PRRG2: variants seen among roughly 807,000 people sequenced by gnomAD.
PRRG2 encodes transmembrane gamma-carboxyglutamic acid protein 2.
A neutral mutation model predicts 27.1 loss-of-function variants in PRRG2; 23 were observed. The ratio of observed to expected loss-of-function variants is 0.85; its 90% CI spans 0.61 to 1.20. The LOEUF is 1.20. PRRG2 is among the 50% of genes most tolerant of loss of function. The pLI, the probability that PRRG2 is intolerant of heterozygous loss-of-function variation, is 0.00. For synonymous variants in PRRG2, 104 were observed against 103.4 expected (o/e 1.01, Z -0.03); for missense variants, 276 against 254.8 (o/e 1.08, Z -0.57).
chr19:49,585,284 C>A (rs938364541), intron 4 of PRRG2, among the ~76,000 whole-genome samples: 19 of 152,210 alleles, frequency 1.2e-4, no homozygotes, highest in Non-Finnish European at 2.4e-4. Context: ...TGCCCCACCC[C>A]CTTGTGGCCC....
At chr19:49,590,218 C>T (rs2080708126) in intron 6 of PRRG2, 153 bp from the exon 7 acceptor site, 5 of 1,426,562 alleles carry the variant, frequency 3.5e-6, no homozygotes, top group Non-Finnish European at 4.9e-6. Flanking sequence ...CGTGGCCCAG[C>T]GTTGTATGTG....
At position 49,588,419 on chromosome 19, in the gene PRRG2, C is replaced by T; in HGVS notation, c.302-78C>T. The stretch of plus-strand genomic sequence containing the variant: ...CCTGCTTCCGGGTCCATTCTCTTCC[C>T]TCAGTGGGAAGGAATTTTGATGTTG... On this transcript the variant is annotated intron_variant, in intron 4 of 6. Transcript: ENST00000246794. The T allele has an allele frequency of 3.9e-6, 6 of 1,527,522 alleles. No individual in the cohort carries two copies. In the South Asian group the frequency reaches 7.3e-5, roughly 19 times the overall value. 94.6% of individuals were successfully genotyped at this position (1,527,522 alleles called of 1,614,324 possible).
chr19:49,583,684 G>A lies in PRRG2; in HGVS notation c.228G>A (p.Glu76=). The A allele has an allele frequency of 6.2e-7, 1 of 1,614,132 alleles. No individual in the cohort carries two copies. Among genetic ancestry groups the A allele is most frequent in the Non-Finnish European group, 8.5e-7 (1 of 1,180,000 alleles). The change falls in exon 3 of 7, where the codon GAG becomes GAA. Residue 76 remains glutamate, a synonymous_variant. Coordinates refer to ENST00000246794, the MANE Select transcript of PRRG2 (RefSeq NM_000951.3). ...ECLEERCSWE[E]AREYFEDNTL... ...TGGAAGAGAGGTGTTCCTGGGAAGA[G>A]GCCAGGGAGTATTTTGAGGACAACA...
At position 49,583,654 on chromosome 19, in the gene PRRG2, G is replaced by A; in HGVS notation, c.198G>A (p.Glu66=). 1 of 1,614,236 alleles carries A rather than the reference G, an allele frequency of 6.2e-7. No individual in the cohort carries two copies. Among genetic ancestry groups the A allele is most frequent in the Non-Finnish European group, 8.5e-7 (1 of 1,180,046 alleles). The change falls in exon 3 of 7, where the codon GAG becomes GAA. Residue 66 remains glutamate, a synonymous_variant. Transcript: ENST00000246794. ...TCACACCAGGGAACCTGGAACGGGA[G>A]TGTCTGGAAGAGAGGTGTTCCTGGG... ...ELLTPGNLER[E]CLEERCSWEE... is the part of the protein sequence containing the mutation.
chr19:49,584,139 C>T (rs553724945), intron 4 of PRRG2, among the ~76,000 whole-genome samples, 187 bp downstream of exon 4: 1 of 151,956 alleles, frequency 6.6e-6, no homozygotes, highest in African/African-American at 2.4e-5. Context: ...AGGAGCCCCC[C>T]ACACCTTATT....
Position 49,583,388 on chromosome 19 carries a change from A to C in PRRG2, c.85+84A>C, listed in dbSNP as rs756864783. Reference sequence around the variant, plus strand: ...GAATGTTTCTAGTCCTTCCTCTTCCAGGAGTCCAGGACCCAGCCCCTTCCT... The same window carrying C: ...GAATGTTTCTAGTCCTTCCTCTTCCCGGAGTCCAGGACCCAGCCCCTTCCT... On this transcript the variant is annotated intron_variant, in intron 2 of 6. Transcript: ENST00000246794. 14 of 1,537,770 alleles carry C rather than the reference A, an allele frequency of 9.1e-6. No individual in the cohort carries two copies. In the South Asian group the frequency reaches 1.6e-4, roughly 18 times the overall value.
At position 49,590,736 on chromosome 19, in the gene PRRG2, C is replaced by T. The variant is rs964889542; in HGVS notation, c.*347C>T. 1 of 369,076 alleles carries T rather than the reference C, an allele frequency of 2.7e-6. No individual in the cohort carries two copies. The highest frequency in any genetic ancestry group is 5.1e-6 in the Non-Finnish European group (1 of 197,840). The allele number at this position is 369,076 out of a possible 1,614,324, so 22.9% of individuals were successfully genotyped here. A position where few individuals can be genotyped will look rare whatever the true frequency, so the allele number is the denominator to read the frequency against. On this transcript the variant is annotated 3_prime_UTR_variant, in exon 7 of 7. Coordinates refer to ENST00000246794, the MANE Select transcript of PRRG2 (RefSeq NM_000951.3). Reference sequence around the variant, plus strand: ...CATCTTGTGTATGGGCAGATATGACCTGACAGCCCCCTCCAGTGCCACAGG... The same window carrying T: ...CATCTTGTGTATGGGCAGATATGACTTGACAGCCCCCTCCAGTGCCACAGG...
intron 1 of PRRG2, among the ~76,000 whole-genome samples, chr19:49,581,994 C>T (rs577117968): frequency 2.6e-5 from 4 of 152,058 alleles, no homozygotes; most frequent in South Asian, 4.2e-4. Flanking sequence ...AATCCCAGCA[C>T]TTTGGGAGGC....
Position 49,586,143 on chromosome 19 carries a change from A to C in PRRG2, c.301+2191A>C, listed in dbSNP as rs1378916946. On this transcript the variant is annotated intron_variant, in intron 4 of 6. Coordinates refer to ENST00000246794, the MANE Select transcript of PRRG2 (RefSeq NM_000951.3). ...GTCACCCAAGCTGGAGTGCAGTGGC[A>C]CGATGACGACTCACTGCAGCCTCGA... Among the ~76,000 whole-genome samples, 7 of 150,242 alleles carry C rather than the reference A, an allele frequency of 4.7e-5. No individual in the cohort carries two copies. In the Admixed American group the frequency reaches 4.7e-4, roughly 10 times the overall value.
rs1208697614 is a variant in PRRG2 at position 49,583,725 on chromosome 19, C to T, written c.261+8C>T. The stretch of plus-strand genomic sequence containing the variant: ...GAGGACAACACTCTCACGGTGAGGG[C>T]CTCGAGACCCTGGAGTTTCGGGCCC... On this transcript the variant is annotated splice_region_variant and intron_variant, in intron 3 of 6. Coordinates refer to ENST00000246794, the MANE Select transcript of PRRG2 (RefSeq NM_000951.3). 1.9e-6 allele frequency: 3 copies of T among 1,613,142 alleles called. No homozygotes were observed. The highest frequency in any genetic ancestry group is 8.5e-7 in the Non-Finnish European group (1 of 1,179,396).
intron 1 of PRRG2, among the ~76,000 whole-genome samples, chr19:49,581,706 A>G (rs1283484852): frequency 6.6e-6 from 1 of 152,166 alleles, no homozygotes; most frequent in Non-Finnish European, 1.5e-5. Context: ...AAGAGGCACA[A>G]GTGGAAATTA....
intron 4 of PRRG2, 58 bp downstream of exon 4, chr19:49,584,010 G>A (rs753129338): frequency 2.6e-5 from 40 of 1,523,676 alleles, no homozygotes; most frequent in South Asian, 2.1e-4. Flanking sequence ...CCTTCCCAGC[G>A]AGGCCAAACC....
At chr19:49,590,217 G>C in intron 6 of PRRG2, 154 bp from the exon 7 acceptor site, 2 of 1,430,824 alleles carry the variant, frequency 1.4e-6, no homozygotes, top group Non-Finnish European at 1.9e-6. Flanking sequence ...GCGTGGCCCA[G>C]CGTTGTATGT....
chr19:49,582,339 A>C (rs2080633014), intron 1 of PRRG2, among the ~76,000 whole-genome samples: 1 of 150,752 alleles, frequency 6.6e-6, no homozygotes, highest in African/African-American at 2.4e-5. Flanking sequence ...GCAGTGGCAC[A>C]GTCTCGGCTC....
At chr19:49,588,789 G>A (rs1467096757) in intron 5 of PRRG2, among the ~76,000 whole-genome samples, 157 bp downstream of exon 5, 1 of 152,188 alleles carries the variant, frequency 6.6e-6, no homozygotes, top group Non-Finnish European at 1.5e-5. Flanking sequence ...GCTGGCTTGT[G>A]TCTGGTTTTG....
At chr19:49,588,826 A>G (rs2122255963) in intron 5 of PRRG2, among the ~76,000 whole-genome samples, 194 bp downstream of exon 5, 1 of 152,260 alleles carries the variant, frequency 6.6e-6, no homozygotes, top group East Asian at 1.9e-4. Flanking sequence ...CTGGATCCTC[A>G]GTACCTGGCC....
intron 1 of PRRG2, 40 bp from the exon 2 acceptor site, chr19:49,583,167 G>T: frequency 6.5e-7 from 1 of 1,547,836 alleles, no homozygotes; most frequent in South Asian, 1.1e-5. Flanking sequence ...CATTACCCAG[G>T]GACTAAGGCC....
intron 4 of PRRG2, among the ~76,000 whole-genome samples, chr19:49,584,917 C>T (rs880986): frequency 2.0e-5 from 3 of 152,136 alleles, no homozygotes; most frequent in Non-Finnish European, 2.9e-5. Context: ...CCAGCCCCTC[C>T]GGCAGCTTGA....
Position 49,588,620 on chromosome 19 carries a change from C to A in PRRG2, c.425C>A (p.Pro142His), listed in dbSNP as rs968735035. 1.9e-6 allele frequency: 3 copies of A among 1,540,116 alleles called. No homozygotes were observed. Among genetic ancestry groups the A allele is most frequent in the Admixed American group, 4.1e-5 (2 of 48,820 alleles). ...LRWRQHRGQQ[P>H]CPQEAGLISP... is the part of the protein sequence containing the mutation. ...TGGCGACAGCACCGAGGCCAGCAGC[C>A]CTGTCCCCAAGAGTAAGGGGGCTTC... Residue 142 changes from proline (P) to histidine (H), a missense_variant, in exon 5 of 7, where the codon CCC becomes CAC. Physicochemically the swap from Pro to His is moderately conservative, Grantham distance 77. Coordinates refer to ENST00000246794, the MANE Select transcript of PRRG2 (RefSeq NM_000951.3).
Sources: allele counts gnomAD v4.1 joint callset (sites outside exome capture counted in the v4.1 genomes callset), GRCh38; gene constraint gnomAD v4.1.1; transcripts MANE v1.5; gene names NCBI Gene and HGNC (gene_info 2026-07-23, HGNC 2026-07-21).